Variants in PHACTR2 observed in about 807,000 individuals in gnomAD.
PHACTR2 encodes the protein phosphatase and actin regulator 2.
Under a neutral mutation model 76.0 loss-of-function variants are expected in PHACTR2, and 30 were observed. The observed-to-expected ratio is 0.39, with a 90% CI of 0.30 to 0.54. The LOEUF is 0.54. PHACTR2 is among the 20% of genes least tolerant of loss of function. The probability of loss-of-function intolerance (pLI) is 0.61; values close to 1 mark genes in which losing one functional copy is unlikely to be tolerated. For missense variants in PHACTR2, 696 were observed against 781.1 expected, an observed-to-expected ratio of 0.89 and a Z score of 1.30; for synonymous variants, 292 against 292.5, an observed-to-expected ratio of 1.00 and a Z score of 0.02.
intron 10 of PHACTR2, 92 bp from the exon 11 acceptor site, chr6:143,788,681 C>A: frequency 1.9e-5 from 15 of 804,266 alleles, no homozygotes; most frequent in Admixed American, 2.6e-5. Flanking sequence ...CCTTATTTAA[C>A]CATAACTTTG....
At chr6:143,747,091 T>C (rs1010848410) in intron 2 of PHACTR2, among the ~76,000 whole-genome samples, 6 of 152,206 alleles carry the variant, frequency 3.9e-5, no homozygotes, top group African/African-American at 9.6e-5. Flanking sequence ...CAAAAAAAGT[T>C]TGACAAAATG....
chr6:143,723,208 C>T (rs1362058396), intron 2 of PHACTR2, among the ~76,000 whole-genome samples: 1 of 152,204 alleles, frequency 6.6e-6, no homozygotes, highest in Non-Finnish European at 1.5e-5. Context: ...TCTTTATCCA[C>T]TCTTTTCATA....
In PHACTR2 at chr6:143,689,315, G is replaced by A. The variant is rs868745504; in HGVS notation, c.46+11106G>A. Among the ~76,000 whole-genome samples, 2 of 152,148 alleles carry A rather than the reference G, an allele frequency of 1.3e-5. No individual in the cohort carries two copies. The highest frequency in any genetic ancestry group is 6.5e-5 in the Admixed American group (1 of 15,272). On this transcript the variant is annotated intron_variant, in intron 1 of 12. Transcript: ENST00000440869. The surrounding 1 kb of genome is among the most constrained non-coding windows in gnomAD (Gnocchi z 4.4). ...ACATAAGCTCCATGATCTAAAAGAC[G>A]TTATCTGTCTTGTTCACCAATGTCT...
At chr6:143,545,603 G>A (rs377525828) in intron 1 of PHACTR2, among the ~76,000 whole-genome samples, 2 of 152,172 alleles carry the variant, frequency 1.3e-5, no homozygotes, top group Admixed American at 6.5e-5. Context: ...GAAGAGTGGA[G>A]TAATCCACCC....
intron 1 of PHACTR2, among the ~76,000 whole-genome samples, chr6:143,701,048 T>G (rs1777900452): frequency 6.6e-6 from 1 of 152,252 alleles, no homozygotes; most frequent in Non-Finnish European, 1.5e-5. Context: ...AGTGGCCCTT[T>G]GCCTACTCAA....
chr6:143,775,524 G>A lies in PHACTR2; in HGVS notation c.1589+1309G>A, dbSNP rs970167747. On this transcript the variant is annotated intron_variant, in intron 8 of 12. Transcript: ENST00000440869. The surrounding 1 kb of genome is among the most constrained non-coding windows in gnomAD (Gnocchi z 4.4). Reference sequence around the variant, plus strand: ...TGAGGCCCAGAGAGATTAAGGAAATGTCTCAAGGACAGACATGCAGTTACT... The same window carrying A: ...TGAGGCCCAGAGAGATTAAGGAAATATCTCAAGGACAGACATGCAGTTACT... Among the ~76,000 whole-genome samples, 2 of 152,160 alleles carry A rather than the reference G, an allele frequency of 1.3e-5. No homozygotes were observed. Among genetic ancestry groups the A allele is most frequent in the African/African-American group, 2.4e-5 (1 of 41,452 alleles).
intron 1 of PHACTR2, among the ~76,000 whole-genome samples, chr6:143,594,137 G>A (rs1310573432): frequency 6.6e-6 from 1 of 152,134 alleles, no homozygotes; most frequent in Non-Finnish European, 1.5e-5. Flanking sequence ...TTTGTTTCCT[G>A]CACAAAACTA....
rs1365431955 is a variant in PHACTR2 at position 143,689,190 on chromosome 6, AAC to A, written c.46+10982_46+10983del. On this transcript the variant is annotated intron_variant, in intron 1 of 12. Coordinates refer to ENST00000440869, the MANE Select transcript of PHACTR2 (RefSeq NM_001100164.2). This position sits in a 1 kb window ranked among gnomAD's most constrained non-coding sequence, Gnocchi z 4.4. The stretch of plus-strand genomic sequence containing the variant: ...TTCCCTGCCTACCCCTCTCCAGAAT[AAC>A]CCACCCAGGTCCCACCCACAGCTCT... 6.6e-6 allele frequency among the ~76,000 whole-genome samples: 1 copy of A among 152,126 alleles called. No individual in the cohort carries two copies. The highest frequency in any genetic ancestry group is 1.9e-4 in the East Asian group (1 of 5,196).
In PHACTR2 at chr6:143,802,924, T is replaced by C. The variant is rs554397561; in HGVS notation, c.1846-4133T>C. On this transcript the variant is annotated intron_variant, in intron 11 of 12. Transcript: ENST00000440869. The stretch of plus-strand genomic sequence containing the variant: ...ATTGCCTGTAGTCACATCTTTCTGG[T>C]ATATTTTTTTCAAACAACTAGTCCT... Among the ~76,000 whole-genome samples, 11 of 152,300 alleles carry C rather than the reference T, an allele frequency of 7.2e-5. No individual in the cohort carries two copies. In the East Asian group the frequency reaches 2.1e-3, roughly 29 times the overall value.
Position 143,754,672 on chromosome 6 carries a change from T to C in PHACTR2, c.454+760T>C, listed in dbSNP as rs1307223439. ...TGGATTGATGACATCTCGATACCACTGCTGTGATGCGTAGGAACCTCCAAA... is the reference window on the plus strand; with the variant it reads ...TGGATTGATGACATCTCGATACCACCGCTGTGATGCGTAGGAACCTCCAAA... On this transcript the variant is annotated intron_variant, in intron 4 of 12. Transcript: ENST00000440869. The surrounding 1 kb of genome is among the most constrained non-coding windows in gnomAD (Gnocchi z 6.2). Among the ~76,000 whole-genome samples the C allele has an allele frequency of 6.6e-6, 1 of 152,210 alleles. No homozygotes were observed. The highest frequency in any genetic ancestry group is 2.4e-5 in the African/African-American group (1 of 41,454).
chr6:143,717,848 A>T (rs989644995), intron 2 of PHACTR2, among the ~76,000 whole-genome samples: 2 of 152,312 alleles, frequency 1.3e-5, no homozygotes, highest in African/African-American at 4.8e-5. Context: ...CTGGGATTAC[A>T]GGCATGAACC....
rs980396927 is a variant in PHACTR2 at position 143,611,299 on chromosome 6, C to G, written c.13+2977C>G. Among the ~76,000 whole-genome samples, 6 of 152,128 alleles carry G rather than the reference C, an allele frequency of 3.9e-5. No homozygotes were observed. Among genetic ancestry groups the G allele is most frequent in the African/African-American group, 1.4e-4 (6 of 41,412 alleles). The stretch of plus-strand genomic sequence containing the variant: ...CTGCTGAGAGCCCCTGCGCCTTCAC[C>G]GTGCATTCTAGCTCAGTGGTTCAAA... On this transcript the variant is annotated intron_variant, in intron 1 of 11. Transcript: ENST00000305766. This position sits in a 1 kb window ranked among gnomAD's most constrained non-coding sequence, Gnocchi z 4.4.
At chr6:143,717,515 C>T (rs1194351745) in intron 2 of PHACTR2, among the ~76,000 whole-genome samples, 1 of 151,596 alleles carries the variant, frequency 6.6e-6, no homozygotes, top group Non-Finnish European at 1.5e-5. Context: ...CCTTGAATTG[C>T]TTCTTTATTA....
rs9390138 is a variant in PHACTR2, at chr6:143,800,322, T to C, written c.1846-6735T>C. 0.61 allele frequency among the ~76,000 whole-genome samples: 92,806 copies of C among 151,880 alleles called. 28,550 individuals carry two copies. The highest frequency in any genetic ancestry group is 0.69 in the East Asian group (3,543 of 5,150). The stretch of plus-strand genomic sequence containing the variant: ...TGTTGCCCAGGCTGGAGTGCAGTGG[T>C]GCAATCTCCGCTCACAGCAAGCTCC... On this transcript the variant is annotated intron_variant, in intron 11 of 12. Coordinates refer to ENST00000440869, the MANE Select transcript of PHACTR2 (RefSeq NM_001100164.2). The surrounding 1 kb of genome is among the most constrained non-coding windows in gnomAD (Gnocchi z 4.8).
rs1350366504 is a variant in PHACTR2, at chr6:143,757,465, G to T, written c.455-2936G>T. Among the ~76,000 whole-genome samples the T allele has an allele frequency of 6.6e-6, 1 of 152,214 alleles. No individual in the cohort carries two copies. Among genetic ancestry groups the T allele is most frequent in the African/African-American group, 2.4e-5 (1 of 41,450 alleles). On this transcript the variant is annotated intron_variant, in intron 4 of 12. Transcript: ENST00000440869. The surrounding 1 kb of genome is among the most constrained non-coding windows in gnomAD (Gnocchi z 4.2). Reference sequence around the variant, plus strand: ...GAAGCAGAGGAATTGGGTAAGAATTGCATTCTAGGCAGGGTGAGGACCACA... The same window carrying T: ...GAAGCAGAGGAATTGGGTAAGAATTTCATTCTAGGCAGGGTGAGGACCACA...
At chr6:143,631,520 T>G (rs1776362911) in intron 1 of PHACTR2, among the ~76,000 whole-genome samples, 1 of 152,190 alleles carries the variant, frequency 6.6e-6, no homozygotes, top group African/African-American at 2.4e-5. Context: ...GCCTGCTTCC[T>G]GGCTCCATCT....
chr6:143,781,601 C>T (rs934085911), intron 9 of PHACTR2, among the ~76,000 whole-genome samples: 14 of 152,152 alleles, frequency 9.2e-5, no homozygotes, highest in South Asian at 2.1e-4. Context: ...TTTTCACTAT[C>T]GTGTCACCTT....
intron 2 of PHACTR2, among the ~76,000 whole-genome samples, chr6:143,723,915 T>C (rs1242755731): frequency 2.6e-5 from 4 of 152,170 alleles, no homozygotes; most frequent in African/African-American, 9.7e-5. Context: ...ACATTTCTTT[T>C]TGTGTGGCTT....
At position 143,700,416 on chromosome 6, in the gene PHACTR2, A is replaced by G. The variant is rs1224298343; in HGVS notation, c.47-11600A>G. Among the ~76,000 whole-genome samples the G allele has an allele frequency of 6.6e-6, 1 of 152,084 alleles. No individual in the cohort carries two copies. The highest frequency in any genetic ancestry group is 1.5e-5 in the Non-Finnish European group (1 of 68,016). On this transcript the variant is annotated intron_variant, in intron 1 of 12. Coordinates refer to ENST00000440869, the MANE Select transcript of PHACTR2 (RefSeq NM_001100164.2). The surrounding 1 kb of genome is among the most constrained non-coding windows in gnomAD (Gnocchi z 4.1). Reference sequence around the variant, plus strand: ...CTAAAAATACAGAAATTAGCAAGGCATGGTGGCATGCACCTGTAATCCCAG... The same window carrying G: ...CTAAAAATACAGAAATTAGCAAGGCGTGGTGGCATGCACCTGTAATCCCAG...
Sources: gnomAD v4.1 joint callset for allele counts (sites outside exome capture counted in the v4.1 genomes callset) on GRCh38, gnomAD v4.1.1 for gene constraint, Gnocchi (gnomAD v3.1) non-coding constraint, MANE v1.5 for transcripts, NCBI Gene and HGNC (gene_info 2026-07-23, HGNC 2026-07-21) for gene names.